LRP1B: variants seen among roughly 807,000 people sequenced by gnomAD.
LRP1B encodes LDL receptor related protein 1B.
Under a neutral mutation model 556.6 loss-of-function variants are expected in LRP1B, and 217 were observed. That is an observed-to-expected ratio of 0.39 (90% CI 0.35 to 0.44). LRP1B has a LOEUF of 0.44. Ranked by LOEUF, LRP1B falls within the 20% of genes least tolerant of loss-of-function variation. LRP1B has a pLI of 1.00. For synonymous variants in LRP1B, 2,047 were observed against 1,865.8 expected (o/e 1.10, Z -2.50); for missense variants, 5,053 against 5,620.8 (o/e 0.90, Z 3.23).
chr2:140,532,680 C>G (rs1489325825), intron 47 of LRP1B, among the ~76,000 whole-genome samples: 4 of 152,004 alleles, frequency 2.6e-5, no homozygotes, highest in Non-Finnish European at 5.9e-5. Flanking sequence ...CAGGCATGAG[C>G]CACCACGCCT....
chr2:141,981,472 T>C (rs972907652), intron 1 of LRP1B, among the ~76,000 whole-genome samples: 1 of 152,118 alleles, frequency 6.6e-6, no homozygotes, highest in Non-Finnish European at 1.5e-5. Context: ...GGACAGCATA[T>C]CAGATCACAG....
At chr2:141,405,832 TACA>T (rs1485225453) in intron 3 of LRP1B, among the ~76,000 whole-genome samples, 1 of 152,154 alleles carries the variant, frequency 6.6e-6, no homozygotes, top group Non-Finnish European at 1.5e-5. Flanking sequence ...TGCAAATGAA[TACA>T]ACATGATAGT....
intron 1 of LRP1B, among the ~76,000 whole-genome samples, chr2:142,011,561 CT>C (rs555336325): frequency 3.3e-4 from 51 of 152,278 alleles, no homozygotes; most frequent in African/African-American, 1.2e-3. Flanking sequence ...AATTATACCT[CT>C]TTCCACCATA....
Position 141,315,779 on chromosome 2 carries a change from AT to A in LRP1B, c.344-61139del, listed in dbSNP as rs912881860. On this transcript the variant is annotated intron_variant, in intron 3 of 90. Transcript: ENST00000389484. The stretch of plus-strand genomic sequence containing the variant: ...CTTATCCTGCAGGAGACCTTTCAGA[AT>A]TTTTTTTTGTTTTGTTTTAATTGCC... Among the ~76,000 whole-genome samples the A allele has an allele frequency of 6.1e-5, 9 of 148,312 alleles. 1 individual carries two copies. Among genetic ancestry groups the A allele is most frequent in the Admixed American group, 1.4e-4 (2 of 14,770 alleles).
chr2:141,445,941 G>A (rs542496232), intron 3 of LRP1B, among the ~76,000 whole-genome samples: 71 of 152,244 alleles, frequency 4.7e-4, no homozygotes, highest in Non-Finnish European at 6.5e-4. Flanking sequence ...GGTCCACTTC[G>A]TCTGGAGCTG....
At chr2:140,351,636 G>A (rs1045780595) in intron 76 of LRP1B, among the ~76,000 whole-genome samples, 3 of 151,936 alleles carry the variant, frequency 2.0e-5, no homozygotes, top group Non-Finnish European at 2.9e-5. Context: ...ACCTACAATA[G>A]AGTACTAATG....
At chr2:140,241,774 A>AT (rs1343130097) in intron 87 of LRP1B, among the ~76,000 whole-genome samples, 1 of 150,940 alleles carries the variant, frequency 6.6e-6, no homozygotes, top group African/African-American at 2.4e-5. Context: ...AAATTAACAG[A>AT]TATTATAAAA....
At chr2:141,947,133 TA>T (rs1318882458) in intron 1 of LRP1B, among the ~76,000 whole-genome samples, 1 of 151,958 alleles carries the variant, frequency 6.6e-6, no homozygotes, top group African/African-American at 2.4e-5. Flanking sequence ...TATATATTTT[TA>T]AAAAAGGTAA....
chr2:141,186,986 G>A (rs371359183), intron 7 of LRP1B, among the ~76,000 whole-genome samples: 3 of 151,978 alleles, frequency 2.0e-5, no homozygotes, highest in East Asian at 3.9e-4. Context: ...GCTGTCTAAA[G>A]GCTAATCTGA....
At chr2:141,864,205 G>A (rs1044012388) in intron 1 of LRP1B, among the ~76,000 whole-genome samples, 1 of 152,168 alleles carries the variant, frequency 6.6e-6, no homozygotes, top group Non-Finnish European at 1.5e-5. Context: ...GGTTAGCAGG[G>A]CTGTTTGTGC....
rs147109120 is a variant in LRP1B at position 140,660,645 on chromosome 2, G to A, written c.6799+39605C>T. Among the ~76,000 whole-genome samples the A allele has an allele frequency of 1.1e-3, 165 of 152,004 alleles. 1 individual carries two copies. Among genetic ancestry groups the A allele is most frequent in the African/African-American group, 3.5e-3 (147 of 41,492 alleles). ...AACAAAGTTTTGGTTGTTTATGTGC[G>A]TTATATGAGAGTCTCTTATATCCTG... On this transcript the variant is annotated intron_variant, in intron 41 of 90. Coordinates refer to ENST00000389484, the MANE Select transcript of LRP1B (RefSeq NM_018557.3).
chr2:141,540,874 A>G (rs1209699998), intron 2 of LRP1B, among the ~76,000 whole-genome samples: 1 of 152,026 alleles, frequency 6.6e-6, no homozygotes, highest in East Asian at 1.9e-4. Flanking sequence ...CCATGTCAAT[A>G]GTGGTGAATC....
chr2:140,323,729 A>ATAGT (rs1680291413), intron 81 of LRP1B, among the ~76,000 whole-genome samples, 164 bp downstream of exon 81: 1 of 152,058 alleles, frequency 6.6e-6, no homozygotes, highest in African/African-American at 2.4e-5. Flanking sequence ...AGAATTATCT[A>ATAGT]TAGTTTGGTA....
chr2:140,296,644 C>T (rs768454693), intron 84 of LRP1B, among the ~76,000 whole-genome samples: 1 of 149,658 alleles, frequency 6.7e-6, no homozygotes, highest in African/African-American at 2.5e-5. Context: ...AATATAGATA[C>T]CCCAACACAG....
chr2:141,202,824 C>T (rs1682097336), intron 6 of LRP1B, among the ~76,000 whole-genome samples: 3 of 152,020 alleles, frequency 2.0e-5, no homozygotes, highest in African/African-American at 7.2e-5. Flanking sequence ...ATGTTTGCTG[C>T]ACCCATCAAC....
chr2:140,740,101 G>GA (rs201695989), intron 35 of LRP1B, among the ~76,000 whole-genome samples: 3,955 of 152,142 alleles, frequency 0.026, 76 homozygotes, highest in Middle Eastern at 0.048. Context: ...GACCACTATG[G>GA]AAAAAAGTGT....
At chr2:140,864,808 A>T (rs1054016195) in intron 27 of LRP1B, among the ~76,000 whole-genome samples, 3 of 152,084 alleles carry the variant, frequency 2.0e-5, no homozygotes, top group Non-Finnish European at 4.4e-5. Context: ...CGTTTACAAG[A>T]TCCTATGATT....
chr2:142,046,715 T>C (rs1441408325), intron 1 of LRP1B, among the ~76,000 whole-genome samples: 1 of 151,974 alleles, frequency 6.6e-6, no homozygotes, highest in East Asian at 1.9e-4. Flanking sequence ...TATACCATGG[T>C]TGTCAGTTTC....
At chr2:141,629,679 T>TACAA (rs1688838221) in intron 2 of LRP1B, among the ~76,000 whole-genome samples, 1 of 152,142 alleles carries the variant, frequency 6.6e-6, no homozygotes, top group Non-Finnish European at 1.5e-5. Context: ...TTGTATGAGG[T>TACAA]TGGTATTTCC....
Sources: gnomAD v4.1 joint callset for allele counts (sites outside exome capture counted in the v4.1 genomes callset) on GRCh38, gnomAD v4.1.1 for gene constraint, MANE v1.5 for transcripts, NCBI Gene and HGNC (gene_info 2026-07-23, HGNC 2026-07-21) for gene names.